DNAH14: variants seen among roughly 807,000 people sequenced by gnomAD.
The protein encoded by DNAH14 is dynein axonemal heavy chain 14.
A neutral mutation model predicts 520.9 loss-of-function variants in DNAH14; 478 were observed. The observed-to-expected ratio is 0.92, with a 90% CI of 0.85 to 0.99. DNAH14 has a LOEUF of 0.99. Among genes scored for constraint, DNAH14 ranks in the 50% least tolerant of loss-of-function variants. DNAH14 has a pLI of 0.00. For synonymous variants in DNAH14, 1,581 were observed against 1,757.2 expected, an observed-to-expected ratio of 0.90 and a Z score of 2.51; for missense variants, 4,831 against 5,234.5, an observed-to-expected ratio of 0.92 and a Z score of 2.38.
rs2095095060 is a variant in DNAH14 at position 225,337,951 on chromosome 1, T to C, written c.10312-110T>C. 26 of 1,071,454 alleles carry C rather than the reference T, an allele frequency of 2.4e-5. No individual in the cohort carries two copies. The South Asian group carries it at 4.6e-4, about 19-fold the overall frequency. The allele number at this position is 1,071,454 out of a possible 1,614,324, so 66.4% of individuals were successfully genotyped here. A position where few individuals can be genotyped will look rare whatever the true frequency, so the allele number is the denominator to read the frequency against. ...CCCTGTTGTACTATGAAATACTAGG[T>C]CTTATTCATTCTTTCTAACTCAACC... On this transcript the variant is annotated intron_variant, in intron 67 of 85. Coordinates refer to ENST00000682510, the MANE Select transcript of DNAH14 (RefSeq NM_001367479.1).
rs566891789 is a variant in DNAH14 at position 225,324,736 on chromosome 1, G to A, written c.9628-1G>A. ...TTAAATGTTCTGACATTCTCTTTAA[G>A]GTTGTGGGCCCTAAACAAATCCAAG... On this transcript the variant is annotated splice_acceptor_variant, in intron 63 of 85. Coordinates refer to ENST00000682510, the MANE Select transcript of DNAH14 (RefSeq NM_001367479.1). LOFTEE classifies it high-confidence loss of function. The A allele has an allele frequency of 1.9e-4, 287 of 1,550,692 alleles. No individual in the cohort carries two copies. The highest frequency in any genetic ancestry group is 2.4e-4 in the Non-Finnish European group (280 of 1,146,618).
chr1:225,008,872 G>A (rs2064435702), intron 10 of DNAH14, among the ~76,000 whole-genome samples: 1 of 151,970 alleles, frequency 6.6e-6, no homozygotes, highest in Non-Finnish European at 1.5e-5. Flanking sequence ...CTTTTGAAAA[G>A]TGTCTGTTCA....
chr1:224,987,550 G>A (rs527665759), intron 8 of DNAH14, among the ~76,000 whole-genome samples: 7 of 152,256 alleles, frequency 4.6e-5, no homozygotes, highest in African/African-American at 9.6e-5. Context: ...GTACTGGGTC[G>A]TTCCATGGAA....
In DNAH14 at chr1:225,335,772, T is replaced by A. The variant is rs555480321; in HGVS notation, c.10081-1494T>A. On this transcript the variant is annotated intron_variant, in intron 66 of 85. Coordinates refer to ENST00000682510, the MANE Select transcript of DNAH14 (RefSeq NM_001367479.1). ...ACGCATATATACATACATGTGCATA[T>A]GTGCATATATTCATAAGTACATCTA... Among the ~76,000 whole-genome samples, 457 of 141,554 alleles carry A rather than the reference T, an allele frequency of 3.2e-3. 92 individuals carry two copies. The highest frequency in any genetic ancestry group is 0.011 in the African/African-American group (419 of 37,602). 92.9% of individuals were successfully genotyped at this position (141,554 alleles called of 152,430 possible). A position where few individuals can be genotyped will look rare whatever the true frequency, so the allele number is the denominator to read the frequency against.
chr1:225,338,403 G>A, intron 68 of DNAH14: 1 of 667,494 alleles, frequency 1.5e-6, no homozygotes, highest in Non-Finnish European at 2.6e-6. Flanking sequence ...TTTTCAAACT[G>A]TGCATGATAA....
rs141360141 is a variant in DNAH14, at chr1:225,122,644, A to T, written c.4167-883A>T. Among the ~76,000 whole-genome samples the T allele has an allele frequency of 4.3e-3, 652 of 152,318 alleles. 3 individuals carry two copies. The highest frequency in any genetic ancestry group is 0.015 in the African/African-American group (620 of 41,570). ...ATGGAACTGCCAACAAAAAGTGTTT[A>T]AAAATAAAATTAAGTTCCAAAGGTA... On this transcript the variant is annotated intron_variant, in intron 26 of 85. Transcript: ENST00000682510.
chr1:225,151,894 T>G, intron 31 of DNAH14, 111 bp from the exon 32 acceptor site: 2 of 904,036 alleles, frequency 2.2e-6, no homozygotes, highest in East Asian at 2.6e-5. Flanking sequence ...GTGCTCTGTT[T>G]GCATTTAAAT....
chr1:225,168,205 G>C (rs184984567), intron 36 of DNAH14, among the ~76,000 whole-genome samples, 177 bp downstream of exon 36: 2 of 152,302 alleles, frequency 1.3e-5, no homozygotes, highest in Admixed American at 1.3e-4. Context: ...TGGCCAAATA[G>C]GAACAGCTCC....
rs369228896 is a variant in DNAH14, at chr1:225,290,056, A to G, written c.8443A>G (p.Met2815Val). ...AGLKGKPTVLMVPNLNIEQDS... is the reference protein window; with the variant it reads ...AGLKGKPTVLVVPNLNIEQDS... Reference sequence around the variant, plus strand: ...ATTAAAAGGGAAACCCACTGTTCTGATGGTTCCCAATTTAAACATAGAACA... The same window carrying G: ...ATTAAAAGGGAAACCCACTGTTCTGGTGGTTCCCAATTTAAACATAGAACA... The change falls in exon 55 of 86, where the codon ATG becomes GTG. Residue 2815 changes from methionine to valine, a missense_variant. Met to Val is a conservative substitution (Grantham distance 21). Transcript: ENST00000682510. The G allele has an allele frequency of 1.5e-5, 23 of 1,489,470 alleles. No individual in the cohort carries two copies. Among genetic ancestry groups the G allele is most frequent in the Admixed American group, 1.2e-4 (5 of 41,548 alleles). 92.3% of individuals were successfully genotyped at this position (1,489,470 alleles called of 1,614,324 possible).
chr1:224,937,988 G>A (rs1157400352), intron 1 of DNAH14, among the ~76,000 whole-genome samples: 1 of 152,036 alleles, frequency 6.6e-6, no homozygotes, highest in African/African-American at 2.4e-5. Flanking sequence ...AGGAAAGCTG[G>A]ATAACTCTAT....
intron 37 of DNAH14, among the ~76,000 whole-genome samples, chr1:225,189,245 G>A (rs2085109153): frequency 6.6e-6 from 1 of 151,700 alleles, no homozygotes; most frequent in Non-Finnish European, 1.5e-5. Context: ...TCCTTTAAAT[G>A]TGCTGTTGGA....
intron 41 of DNAH14, among the ~76,000 whole-genome samples, chr1:225,223,044 C>T (rs2090200028): frequency 6.6e-6 from 1 of 152,140 alleles, no homozygotes; most frequent in African/African-American, 2.4e-5. Flanking sequence ...CCTCCTTCTC[C>T]TTCAGCCCAG....
rs371522617 is a variant in DNAH14, at chr1:225,299,191, CT to C, written c.8470-1670del. ...ACAAGCAAAAATTGCTAATCACTCA[CT>C]TTTTTTTGTTCTGTTATTTTTCACA... is the stretch of plus-strand genomic sequence containing the variant. On this transcript the variant is annotated intron_variant, in intron 55 of 85. Coordinates refer to ENST00000682510, the MANE Select transcript of DNAH14 (RefSeq NM_001367479.1). Among the ~76,000 whole-genome samples the C allele has an allele frequency of 2.1e-3, 314 of 152,194 alleles. 4 individuals carry two copies. The highest frequency in any genetic ancestry group is 3.4e-3 in the Middle Eastern group (1 of 294).
At chr1:225,046,133 A>G (rs1269550974) in intron 15 of DNAH14, among the ~76,000 whole-genome samples, 1 of 151,458 alleles carries the variant, frequency 6.6e-6, no homozygotes, top group Non-Finnish European at 1.5e-5. Flanking sequence ...ATAAATATAC[A>G]TAGGTATGTA....
chr1:225,346,280 TTA>T lies in DNAH14; in HGVS notation c.11000_11001del (p.Ile3667LysfsTer11). 1 of 1,549,592 alleles carries T rather than the reference TTA, an allele frequency of 6.5e-7. No homozygotes were observed. Among genetic ancestry groups the T allele is most frequent in the Non-Finnish European group, 8.7e-7 (1 of 1,146,484 alleles). On this transcript the variant is annotated frameshift_variant, in exon 70 of 86. Transcript: ENST00000682510. LOFTEE classifies it high-confidence loss of function. ...GTGTCTCCAAAAGAAGTTCATGAGT[TTA>T]TAAGTATTTCAAAAGAACCCAACCT...
intron 27 of DNAH14, among the ~76,000 whole-genome samples, chr1:225,128,044 T>C (rs967008488): frequency 1.3e-5 from 2 of 152,220 alleles, no homozygotes; most frequent in African/African-American, 4.8e-5. Flanking sequence ...GCCCCCACTC[T>C]CTTCTGGCTT....
In DNAH14 at chr1:225,346,519, A is replaced by G. The variant is rs760485762; in HGVS notation, c.11161A>G (p.Ile3721Val). ...LCFSFRLCTV[I>V]MQNNANGNLI... ...CTTCTCTTTTCGGCTTTGCACTGTA[A>G]TCATGCAAAACAATGCTAATGGAAA... Residue 3721 changes from isoleucine to valine, a missense_variant, in exon 71 of 86, where the codon ATC (isoleucine) becomes GTC (valine). Coordinates refer to ENST00000682510, the MANE Select transcript of DNAH14 (RefSeq NM_001367479.1). 5.5e-5 allele frequency: 86 copies of G among 1,551,244 alleles called. No individual in the cohort carries two copies. The highest frequency in any genetic ancestry group is 7.2e-5 in the Non-Finnish European group (82 of 1,146,822).
chr1:225,243,578 A>G (rs1044717595), intron 43 of DNAH14, among the ~76,000 whole-genome samples: 1 of 152,134 alleles, frequency 6.6e-6, no homozygotes, highest in Non-Finnish European at 1.5e-5. Flanking sequence ...AATGAATGGC[A>G]TCCATTTTTA....
At chr1:225,257,911 A>G in intron 44 of DNAH14, 49 bp from the exon 45 acceptor site, 1 of 1,337,242 alleles carries the variant, frequency 7.5e-7, no homozygotes, top group Non-Finnish European at 1.0e-6. Context: ...AGATGAGGTG[A>G]ATAGTACTTT....
Sources: allele counts gnomAD v4.1 joint callset (sites outside exome capture counted in the v4.1 genomes callset), GRCh38; gene constraint gnomAD v4.1.1; transcripts MANE v1.5; gene names NCBI Gene and HGNC (gene_info 2026-07-23, HGNC 2026-07-21).